The following AGO1 variants were observed in gnomAD, a reference collection of about 807,000 sequenced individuals.
AGO1 encodes protein argonaute-1.
Under a neutral mutation model 109.2 loss-of-function variants are expected in AGO1, and 11 were observed. The ratio of observed to expected loss-of-function variants is 0.10; its 90% CI spans 0.06 to 0.17. AGO1 has a LOEUF of 0.17. Ranked by LOEUF, AGO1 falls within the 10% of genes least tolerant of loss-of-function variation. The pLI is 1.00. For missense variants in AGO1, 574 were observed against 1,140.3 expected, an observed-to-expected ratio of 0.50 and a Z score of 7.15; for synonymous variants, 422 against 418.6, an observed-to-expected ratio of 1.01 and a Z score of -0.10.
At chr1:35,911,595 C>T (rs1303048432) in intron 12 of AGO1, among the ~76,000 whole-genome samples, 2 of 151,898 alleles carry the variant, frequency 1.3e-5, no homozygotes, top group Admixed American at 1.3e-4. Context: ...TTTTATCTGG[C>T]TTTTCTGAGT....
chr1:35,911,632 A>G (rs1645634829), intron 12 of AGO1, among the ~76,000 whole-genome samples: 1 of 152,020 alleles, frequency 6.6e-6, no homozygotes, highest in South Asian at 2.1e-4. Flanking sequence ...GCTTGCCGCT[A>G]TTCCATCTCT....
At chr1:35,898,776 C>G (rs1645365530) in intron 8 of AGO1, among the ~76,000 whole-genome samples, 1 of 152,192 alleles carries the variant, frequency 6.6e-6, no homozygotes, top group African/African-American at 2.4e-5. Context: ...GTAGTGCCTC[C>G]AGTCCACCTC....
In AGO1 at chr1:35,919,971, C is replaced by T. The variant is rs1645802314; in HGVS notation, c.*364C>T. The T allele has an allele frequency of 1.0e-5, 2 of 193,020 alleles. No homozygotes were observed. Among genetic ancestry groups the T allele is most frequent in the Admixed American group, 5.7e-5 (1 of 17,506 alleles). The allele number at this position is 193,020 out of a possible 1,614,324, so 12.0% of individuals were successfully genotyped here. On this transcript the variant is annotated 3_prime_UTR_variant, in exon 19 of 19. Transcript: ENST00000373204. This position sits in a 1 kb window ranked among gnomAD's most constrained non-coding sequence, Gnocchi z 6.6. ...GCTTGGTAAGGTCAACTCTGTAGCC[C>T]TGCAGACAAAAGCTGGTTAGGTTTG...
At chr1:35,914,939 A>G (rs1645707985) in intron 14 of AGO1, among the ~76,000 whole-genome samples, 1 of 152,156 alleles carries the variant, frequency 6.6e-6, no homozygotes, top group East Asian at 1.9e-4. Context: ...TATGGTCATG[A>G]TTCCTGGGTA....
At chr1:35,874,308 C>T (rs1476656093) in intron 1 of AGO1, among the ~76,000 whole-genome samples, 1 of 152,174 alleles carries the variant, frequency 6.6e-6, no homozygotes, top group East Asian at 1.9e-4. Flanking sequence ...GCTGGGACTA[C>T]AGGCATGCAC....
intron 2 of AGO1, among the ~76,000 whole-genome samples, chr1:35,891,429 T>C (rs1319818988): frequency 1.3e-5 from 2 of 152,144 alleles, no homozygotes; most frequent in Non-Finnish European, 2.9e-5. Flanking sequence ...TCTTCCACAG[T>C]TTATTCTTAT....
chr1:35,907,485 G>A (rs974444038), intron 12 of AGO1, among the ~76,000 whole-genome samples: 1 of 152,048 alleles, frequency 6.6e-6, no homozygotes, highest in Non-Finnish European at 1.5e-5. Flanking sequence ...AGCAGAATAG[G>A]TGGTCCTGTT....
In AGO1 at chr1:35,918,497, C is replaced by T. The variant is rs112641178; in HGVS notation, c.2265+74C>T. 4.9e-5 allele frequency: 56 copies of T among 1,146,900 alleles called. 3 individuals are homozygous for T. Among genetic ancestry groups the T allele is most frequent in the African/African-American group, 4.2e-4 (28 of 65,898 alleles). 71.0% of individuals were successfully genotyped at this position (1,146,900 alleles called of 1,614,324 possible). ...CATTCATATTGCCTCTAGAATGTATCAGTCATCACTGAATGACATCCAAAT... is the reference window on the plus strand; with the variant it reads ...CATTCATATTGCCTCTAGAATGTATTAGTCATCACTGAATGACATCCAAAT... On this transcript the variant is annotated intron_variant, in intron 17 of 18. Coordinates refer to ENST00000373204, the MANE Select transcript of AGO1 (RefSeq NM_012199.5).
intron 16 of AGO1, 137 bp downstream of exon 16, chr1:35,917,864 C>T: frequency 1.6e-6 from 2 of 1,249,202 alleles, no homozygotes; most frequent in Non-Finnish European, 2.2e-6. Context: ...CCTCCTAGCT[C>T]TTGTGGTCCT....
chr1:35,883,596 G>C lies in AGO1; in HGVS notation c.25+150G>C. 2 of 1,253,946 alleles carry C rather than the reference G, an allele frequency of 1.6e-6. No individual in the cohort carries two copies. Among genetic ancestry groups the C allele is most frequent in the Non-Finnish European group, 2.1e-6 (2 of 952,774 alleles). 77.7% of individuals were successfully genotyped at this position (1,253,946 alleles called of 1,614,324 possible). On this transcript the variant is annotated intron_variant, in intron 1 of 18. Coordinates refer to ENST00000373204, the MANE Select transcript of AGO1 (RefSeq NM_012199.5). This position sits in a 1 kb window ranked among gnomAD's most constrained non-coding sequence, Gnocchi z 5.4. The stretch of plus-strand genomic sequence containing the variant: ...CCCAGTTTGAAGGAGGCTGTGTGCA[G>C]TTCCGGGGGAGAACCATGTGAAGAG...
rs1645957713 is a variant in AGO1, at chr1:35,927,761, C to G, written c.*8154C>G. ...GCATCTGGTCTCAAAGGTACTTCAA[C>G]TTTTACAGATGAGAAACATGAATCA... On this transcript the variant is annotated 3_prime_UTR_variant, in exon 19 of 19. Coordinates refer to ENST00000373204, the MANE Select transcript of AGO1 (RefSeq NM_012199.5). The G allele has an allele frequency of 6.6e-6, 1 of 152,242 alleles. No individual in the cohort carries two copies. The highest frequency in any genetic ancestry group is 2.1e-4 in the South Asian group (1 of 4,832). 9.4% of individuals were successfully genotyped at this position (152,242 alleles called of 1,614,324 possible).
chr1:35,883,132 T>G, upstream of AGO1: 7 of 1,098,660 alleles, frequency 6.4e-6, no homozygotes, highest in Non-Finnish European at 4.4e-6. The surrounding 1 kb of genome is among the most constrained non-coding windows in gnomAD (Gnocchi z 5.4). Flanking sequence ...CCCCTCTCCA[T>G]TGGCCTTTGT....
chr1:35,881,381 C>T (rs182142539), upstream of AGO1, among the ~76,000 whole-genome samples: 36 of 152,214 alleles, frequency 2.4e-4, no homozygotes, highest in Non-Finnish European at 5.0e-4. Flanking sequence ...AGTACAATGG[C>T]GTGATCTCAG....
upstream of AGO1, among the ~76,000 whole-genome samples, chr1:35,879,448 C>CAA (rs199651480): frequency 2.8e-5 from 4 of 143,064 alleles, no homozygotes; most frequent in African/African-American, 1.0e-4. Context: ...AACTCCATCT[C>CAA]AAAAAAAAAT....
Position 35,892,671 on chromosome 1 carries a change from C to A in AGO1, c.324C>A (p.Asn108Lys). 6.2e-7 allele frequency: 1 copy of A among 1,614,190 alleles called. No individual in the cohort carries two copies. Among genetic ancestry groups the A allele is most frequent in the Non-Finnish European group, 8.5e-7 (1 of 1,180,026 alleles). The change falls in exon 3 of 19, where the codon AAC (asparagine) becomes AAA (lysine). Residue 108 changes from asparagine to lysine, a missense_variant. By Grantham distance (94) the Asn-to-Lys change is moderately conservative. This residue lies in a region of AGO1 where 129 missense variants were observed against 243.0 expected (regional missense o/e 0.53). Coordinates refer to ENST00000373204, the MANE Select transcript of AGO1 (RefSeq NM_012199.5). ...CTGTCACAGCACTGCCCATTGGCAA[C>A]GAACGGGTAAGGTTGGGAGTCAGGC... is the stretch of plus-strand genomic sequence containing the variant. ...IYTVTALPIG[N>K]ERVDFEVTIP...
At chr1:35,895,896 C>T (rs1437790584) in intron 8 of AGO1, among the ~76,000 whole-genome samples, 1 of 152,138 alleles carries the variant, frequency 6.6e-6, no homozygotes, top group East Asian at 1.9e-4. Context: ...TTGTCTCGTC[C>T]AATGCTACTC....
intron 15 of AGO1, 42 bp from the exon 16 acceptor site, chr1:35,917,551 C>A (rs375268955): frequency 6.9e-6 from 11 of 1,591,568 alleles, no homozygotes; most frequent in Non-Finnish European, 8.6e-6. Flanking sequence ...TCAAGAGGAA[C>A]TGTGTATTTC....
Position 35,892,663 on chromosome 1 carries a change from A to T in AGO1, c.316A>T (p.Ile106Phe), listed in dbSNP as rs1645243206. ...KNIYTVTALP[I>F]GNERVDFEVT... ...CATTTACACTGTCACAGCACTGCCC[A>T]TTGGCAACGAACGGGTAAGGTTGGG... The change falls in exon 3 of 19, where the codon ATT becomes TTT. Residue 106 changes from isoleucine (I) to phenylalanine (F), a missense_variant. Ile to Phe is a conservative substitution (Grantham distance 21). Around this residue, in one of 8 missense-constraint regions of AGO1, gnomAD observed 129 missense variants for 243.0 expected, o/e 0.53. Transcript: ENST00000373204. 2 of 1,614,112 alleles carry T rather than the reference A, an allele frequency of 1.2e-6. No individual in the cohort carries two copies.
At chr1:35,891,011 G>T (rs11263833) in intron 2 of AGO1, among the ~76,000 whole-genome samples, 13,205 of 152,218 alleles carry the variant, frequency 0.087, 2,030 homozygotes, top group East Asian at 0.68. Context: ...GTGGCCTTGC[G>T]TACTATCCTC....
Sources: allele counts gnomAD v4.1 joint callset (sites outside exome capture counted in the v4.1 genomes callset), GRCh38; gene constraint gnomAD v4.1.1; regional missense constraint gnomAD v4.1.1; non-coding constraint Gnocchi (gnomAD v3.1); transcripts MANE v1.5; gene names NCBI Gene and HGNC (gene_info 2026-07-23, HGNC 2026-07-21).